Variants in DLL1 observed in about 807,000 individuals in gnomAD.
DLL1 encodes the protein delta like canonical Notch ligand 1, also known as delta-like protein 1.
A neutral mutation model predicts 75.1 loss-of-function variants in DLL1; 9 were observed. The ratio of observed to expected loss-of-function variants is 0.12; its 90% CI spans 0.07 to 0.21. The LOEUF is 0.21. Ranked by LOEUF, DLL1 falls within the 10% of genes least tolerant of loss-of-function variation. The pLI is 1.00. For synonymous variants in DLL1, 477 were observed against 418.3 expected, an observed-to-expected ratio of 1.14 and a Z score of -1.71; for missense variants, 837 against 1,007.6, an observed-to-expected ratio of 0.83 and a Z score of 2.29.
chr6:170,286,321 G>C (rs559078803), intron 4 of DLL1, 23 bp from the exon 5 acceptor site: 1 of 1,614,136 alleles, frequency 6.2e-7, no homozygotes, highest in African/African-American at 1.3e-5. Flanking sequence ...GAAAAACAGG[G>C]TCAAGCCCCA....
chr6:170,286,115 T>G (rs1458463181), intron 5 of DLL1, 123 bp downstream of exon 5: 54 of 1,209,986 alleles, frequency 4.5e-5, no homozygotes, highest in Non-Finnish European at 1.2e-6. Context: ...AACGGCCCCC[T>G]GTTCAATCAA....
rs1429563478 is a variant in DLL1, at chr6:170,291,047, C to G, written c.-908G>C. Reference sequence around the variant, plus strand: ...GTCACAAAGGAGCCACTTTTCCAAACCCTCCTCTCAATGGATCGCCAAATG... The same window carrying G: ...GTCACAAAGGAGCCACTTTTCCAAAGCCTCCTCTCAATGGATCGCCAAATG... On this transcript the variant is annotated 5_prime_UTR_variant, in exon 1 of 11. Coordinates refer to ENST00000366756, the MANE Select transcript of DLL1 (RefSeq NM_005618.4). 1 of 701,868 alleles carries G rather than the reference C, an allele frequency of 1.4e-6. No homozygotes were observed. The highest frequency in any genetic ancestry group is 2.6e-6 in the Non-Finnish European group (1 of 384,676). The allele number at this position is 701,868 out of a possible 1,614,324, so 43.5% of individuals were successfully genotyped here.
Position 170,283,568 on chromosome 6 carries a change from G to T in DLL1, c.1711C>A (p.Leu571Met), listed in dbSNP as rs193920766. 6.2e-7 allele frequency: 1 copy of T among 1,613,272 alleles called. No individual in the cohort carries two copies. Residue 571 changes from leucine to methionine, a missense_variant, in exon 9 of 11, where the codon CTG becomes ATG. Coordinates refer to ENST00000366756, the MANE Select transcript of DLL1 (RefSeq NM_005618.4). Reference sequence around the variant, plus strand: ...GGGGGCCGGTGCTTCTGCAGCCTCAGCCGGACGCAGACCACCACAGCGGCA... The same window carrying T: ...GGGGGCCGGTGCTTCTGCAGCCTCATCCGGACGCAGACCACCACAGCGGCA... ...GCAAVVVCVRLRLQKHRPPAD... is the reference protein window; with the variant it reads ...GCAAVVVCVRMRLQKHRPPAD...
intron 8 of DLL1, 99 bp from the exon 9 acceptor site, chr6:170,284,128 A>T: frequency 6.8e-7 from 1 of 1,475,226 alleles, no homozygotes; most frequent in Non-Finnish European, 9.1e-7. Flanking sequence ...TAGAAACCAG[A>T]CAAACCAAAG....
In DLL1 at chr6:170,289,723, C is replaced by G; in HGVS notation, c.140G>C (p.Gly47Ala). ...GLLGNRNCCR[G>A]GAGPPPCACR... is the part of the protein sequence containing the mutation. Reference sequence around the variant, plus strand: ...GGCGCACGGCGGTGGCCCCGCGCCCCCGCGGCAGCAGTTGCGGTTCCCCAG... The same window carrying G: ...GGCGCACGGCGGTGGCCCCGCGCCCGCGCGGCAGCAGTTGCGGTTCCCCAG... Residue 47 changes from glycine to alanine, a missense_variant, in exon 2 of 11, where the codon GGG becomes GCG. Gly to Ala is a moderately conservative substitution (Grantham distance 60). This residue lies in a region of DLL1 where 304 missense variants were observed against 461.9 expected (regional missense o/e 0.66). Coordinates refer to ENST00000366756, the MANE Select transcript of DLL1 (RefSeq NM_005618.4). The G allele has an allele frequency of 1.3e-6, 2 of 1,550,114 alleles. No individual in the cohort carries two copies. The highest frequency in any genetic ancestry group is 2.0e-5 in the Admixed American group (1 of 51,062).
chr6:170,289,598 C>A lies in DLL1; in HGVS notation c.265G>T (p.Val89Phe). 6.5e-7 allele frequency: 1 copy of A among 1,535,916 alleles called. No individual in the cohort carries two copies. Among genetic ancestry groups the A allele is most frequent in the Non-Finnish European group, 8.7e-7 (1 of 1,146,438 alleles). ...CCGTCGGGCAGACTGAAGGAGTCGA[C>A]GCCCAGCACGGGGGTGACGGCGCTG... ...YGSAVTPVLGVDSFSLPDGGG... is the reference protein window; with the variant it reads ...YGSAVTPVLGFDSFSLPDGGG... The change falls in exon 2 of 11, where the codon GTC becomes TTC. Residue 89 changes from valine (V) to phenylalanine (F), a missense_variant. By Grantham distance (50) the Val-to-Phe change is conservative. This residue lies in a region of DLL1 where 304 missense variants were observed against 461.9 expected (regional missense o/e 0.66). Coordinates refer to ENST00000366756, the MANE Select transcript of DLL1 (RefSeq NM_005618.4).
At chr6:170,284,136 A>G (rs1783642809) in intron 8 of DLL1, 107 bp from the exon 9 acceptor site, 1 of 1,438,222 alleles carries the variant, frequency 7.0e-7, no homozygotes, top group African/African-American at 1.4e-5. Context: ...AGACAAACCA[A>G]AGACAGTCTG....
At chr6:170,286,385 C>T (rs73790660) in intron 4 of DLL1, 87 bp from the exon 5 acceptor site, 22 of 1,525,234 alleles carry the variant, frequency 1.4e-5, no homozygotes, top group South Asian at 6.7e-5. Flanking sequence ...CACAACTCGC[C>T]GGCTTCAGTC....
At chr6:170,284,820 T>A in intron 8 of DLL1, 99 bp downstream of exon 8, 1 of 1,226,028 alleles carries the variant, frequency 8.2e-7, no homozygotes, top group East Asian at 2.3e-5. Flanking sequence ...ATAAAAGTGA[T>A]TCATAAACTC....
intron 4 of DLL1, 160 bp downstream of exon 4, chr6:170,288,079 A>T: frequency 2.9e-6 from 3 of 1,030,070 alleles, no homozygotes; most frequent in Non-Finnish European, 4.3e-6. Context: ...CCCACTGACG[A>T]GCTGTGACTT....
intron 2 of DLL1, chr6:170,289,048 TAGAG>T (rs112501716): frequency 4.4e-5 from 26 of 592,912 alleles, no homozygotes; most frequent in African/African-American, 9.4e-5. Flanking sequence ...TTTTTTTAAT[TAGAG>T]AGAGAGAGAG....
intron 2 of DLL1, chr6:170,289,121 T>G: frequency 3.5e-6 from 2 of 573,698 alleles, no homozygotes; most frequent in Non-Finnish European, 6.2e-6. Context: ...TCTTGGGGGA[T>G]GGGCACGCTC....
chr6:170,286,347 A>G, intron 4 of DLL1, 49 bp from the exon 5 acceptor site: 1 of 1,611,192 alleles, frequency 6.2e-7, no homozygotes, highest in Non-Finnish European at 8.5e-7. Context: ...AGTACGTCCC[A>G]ACAGGGCTGC....
rs750880548 is a variant in DLL1 at position 170,285,240 on chromosome 6, A to G, written c.1032+14T>C. On this transcript the variant is annotated intron_variant, in intron 7 of 10. Coordinates refer to ENST00000366756, the MANE Select transcript of DLL1 (RefSeq NM_005618.4). Reference sequence around the variant, plus strand: ...CCAGCTTCCGGGTGAGATGCCATGGAGCCTCCGACTCACCGTGCAGCTCCC... The same window carrying G: ...CCAGCTTCCGGGTGAGATGCCATGGGGCCTCCGACTCACCGTGCAGCTCCC... 8 of 1,614,144 alleles carry G rather than the reference A, an allele frequency of 5.0e-6. No homozygotes were observed. The highest frequency in any genetic ancestry group is 6.8e-6 in the Non-Finnish European group (8 of 1,180,044).
Position 170,283,792 on chromosome 6 carries a change from C to A in DLL1, c.1487G>T (p.Cys496Phe). The change falls in exon 9 of 11, where the codon TGC (cysteine) becomes TTC (phenylalanine). Residue 496 changes from cysteine (C) to phenylalanine (F), a missense_variant. Around this residue, in one of 2 missense-constraint regions of DLL1, gnomAD observed 533 missense variants for 545.7 expected, o/e 0.98. Coordinates refer to ENST00000366756, the MANE Select transcript of DLL1 (RefSeq NM_005618.4). ...EHAPCHNGATCHERGHRYVCE... is the reference protein window; with the variant it reads ...EHAPCHNGATFHERGHRYVCE... The stretch of plus-strand genomic sequence containing the variant: ...CACATAGCGGTGGCCCCTCTCGTGG[C>A]AGGTGGCCCCATTGTGGCAGGGTGC... 1 of 1,596,070 alleles carries A rather than the reference C, an allele frequency of 6.3e-7. No individual in the cohort carries two copies. The highest frequency in any genetic ancestry group is 2.3e-5 in the East Asian group (1 of 44,056).
intron 2 of DLL1, chr6:170,289,290 GC>G: frequency 1.4e-6 from 1 of 737,322 alleles, no homozygotes; most frequent in Admixed American, 2.5e-5. Context: ...TCTCCTCCTC[GC>G]CCCAGCGCGG....
chr6:170,284,467 G>A (rs972222975), intron 8 of DLL1, among the ~76,000 whole-genome samples: 1 of 152,210 alleles, frequency 6.6e-6, no homozygotes, highest in Non-Finnish European at 1.5e-5. Context: ...CGGCACATCT[G>A]GGGCCCAGCT....
Position 170,283,536 on chromosome 6 carries a change from G to A in DLL1, c.1743C>T (p.Asp581=). The A allele has an allele frequency of 1.9e-6, 3 of 1,613,604 alleles. No homozygotes were observed. Among genetic ancestry groups the A allele is most frequent in the Non-Finnish European group, 2.5e-6 (3 of 1,179,912 alleles). Residue 581 remains aspartate, a synonymous_variant, in exon 9 of 11, where the codon GAC becomes GAT. Transcript: ENST00000366756. ...LRLQKHRPPA[D]PCRGETETMN... The stretch of plus-strand genomic sequence containing the variant: ...TGGTCTCCGTCTCCCCCCGGCAGGG[G>A]TCGGCTGGGGGCCGGTGCTTCTGCA...
Position 170,291,031 on chromosome 6 carries a change from G to A in DLL1, c.-892C>T, listed in dbSNP as rs1207515105. On this transcript the variant is annotated 5_prime_UTR_variant, in exon 1 of 11. Coordinates refer to ENST00000366756, the MANE Select transcript of DLL1 (RefSeq NM_005618.4). ...CAATCTGGCGAGAGCTGTCACAAAG[G>A]AGCCACTTTTCCAAACCCTCCTCTC... 3.0e-5 allele frequency: 21 copies of A among 701,802 alleles called. 1 individual carries two copies. In the East Asian group the frequency reaches 4.8e-4, roughly 16 times the overall value. 43.5% of individuals were successfully genotyped at this position (701,802 alleles called of 1,614,324 possible).
Sources: gnomAD v4.1 joint callset for allele counts (sites outside exome capture counted in the v4.1 genomes callset) on GRCh38, gnomAD v4.1.1 for gene constraint, gnomAD v4.1.1 regional missense constraint, MANE v1.5 for transcripts, NCBI Gene and HGNC (gene_info 2026-07-23, HGNC 2026-07-21) for gene names.